GDPD1: variants seen among roughly 807,000 people sequenced by gnomAD.
GDPD1 encodes the protein lysophospholipase D GDPD1.
GDPD1 carries 28 observed loss-of-function variants against 45.1 expected under a neutral mutation model. The observed-to-expected ratio is 0.62, with a 90% CI of 0.46 to 0.85. The LOEUF is 0.85. GDPD1 is among the 40% of genes least tolerant of loss of function. The probability of loss-of-function intolerance (pLI) is 0.00; values close to 1 mark genes in which losing one functional copy is unlikely to be tolerated. For missense variants in GDPD1, 256 were observed against 364.8 expected (o/e 0.70, Z 2.43); for synonymous variants, 139 against 131.4 (o/e 1.06, Z -0.40).
intron 1 of GDPD1, among the ~76,000 whole-genome samples, chr17:59,232,013 G>A (rs1042933699): frequency 3.7e-4 from 57 of 152,228 alleles, no homozygotes; most frequent in Non-Finnish European, 1.5e-4. Context: ...AGATAAATTT[G>A]TGCATGTCTG....
intron 1 of GDPD1, among the ~76,000 whole-genome samples, chr17:59,229,960 G>A (rs751633494): frequency 6.6e-6 from 1 of 152,106 alleles, no homozygotes; most frequent in Non-Finnish European, 1.5e-5. Context: ...TATTTATTGT[G>A]TGTTTTTGTT....
chr17:59,256,246 G>A (rs1466063537), intron 4 of GDPD1, among the ~76,000 whole-genome samples: 1 of 151,964 alleles, frequency 6.6e-6, no homozygotes, highest in African/African-American at 2.4e-5. Flanking sequence ...GGGCCCAGGA[G>A]GCAGAGGTTG....
At chr17:59,248,707 G>T (rs775058256) in intron 3 of GDPD1, 33 bp from the exon 4 acceptor site, 1 of 1,491,080 alleles carries the variant, frequency 6.7e-7, no homozygotes, top group Middle Eastern at 1.8e-4. Context: ...TTTTTTGAGA[G>T]TTAACTTTTT....
intron 4 of GDPD1, among the ~76,000 whole-genome samples, chr17:59,253,516 C>G (rs1228021464): frequency 2.6e-5 from 4 of 152,072 alleles, no homozygotes; most frequent in African/African-American, 9.7e-5. Context: ...ATATTTGTAT[C>G]TTTACATCAC....
At chr17:59,273,397 G>A (rs1015259993) in intron 9 of GDPD1, among the ~76,000 whole-genome samples, 1 of 152,092 alleles carries the variant, frequency 6.6e-6, no homozygotes, top group African/African-American at 2.4e-5. Flanking sequence ...CAAAGTGCTG[G>A]AATTACAGGC....
At position 59,275,378 on chromosome 17, in the gene GDPD1, G is replaced by T. The variant is rs2047473937; in HGVS notation, c.*1605G>T. The T allele has an allele frequency of 1.1e-5, 6 of 536,394 alleles. No homozygotes were observed. In the Admixed American group the frequency reaches 1.9e-4, roughly 17 times the overall value. The allele number at this position is 536,394 out of a possible 1,614,324, so 33.2% of individuals were successfully genotyped here. On this transcript the variant is annotated 3_prime_UTR_variant, in exon 10 of 10. Transcript: ENST00000284116. ...AGATTTCTGAGTTGTTGTTGTTAATGGAACATTCTATTTGAGACCTTTTTC... is the reference window on the plus strand; with the variant it reads ...AGATTTCTGAGTTGTTGTTGTTAATTGAACATTCTATTTGAGACCTTTTTC...
At position 59,228,170 on chromosome 17, in the gene GDPD1, TAAA is replaced by T. The variant is rs36140380; in HGVS notation, c.143-6301_143-6299del. On this transcript the variant is annotated intron_variant, in intron 1 of 9. Transcript: ENST00000284116. ...CTGGGTGACAAAGAAAGACTCCATC[TAAA>T]AAAAAAAAAAAAAAAAAAAATTGAT... Among the ~76,000 whole-genome samples the T allele has an allele frequency of 2.0e-3, 179 of 91,652 alleles. 2 individuals carry two copies. Among genetic ancestry groups the T allele is most frequent in the African/African-American group, 7.4e-3 (168 of 22,792 alleles). 60.1% of individuals were successfully genotyped at this position (91,652 alleles called of 152,430 possible).
chr17:59,267,203 C>A lies in GDPD1; in HGVS notation c.710+29C>A, dbSNP rs563371521. The A allele has an allele frequency of 9.6e-6, 15 of 1,564,892 alleles. No individual in the cohort carries two copies. In the African/African-American group the frequency reaches 1.6e-4, roughly 17 times the overall value. ...AGTGGTTACCCTTTTATTTTAAAAT[C>A]AATTATCAATTACAGAAAGACTAAG... On this transcript the variant is annotated intron_variant, in intron 7 of 9. Coordinates refer to ENST00000284116, the MANE Select transcript of GDPD1 (RefSeq NM_182569.4).
intron 6 of GDPD1, among the ~76,000 whole-genome samples, chr17:59,263,935 A>T (rs1408210014): frequency 6.6e-6 from 1 of 152,086 alleles, no homozygotes; most frequent in Non-Finnish European, 1.5e-5. Flanking sequence ...TTCACACTTA[A>T]CGCAGTGGTT....
At chr17:59,229,119 A>ATTG (rs1453233323) in intron 1 of GDPD1, among the ~76,000 whole-genome samples, 11 of 130,038 alleles carry the variant, frequency 8.5e-5, no homozygotes, top group South Asian at 4.9e-4. Flanking sequence ...TTTTCCTCAA[A>ATTG]TTGTTATTAT....
chr17:59,249,464 C>T (rs941023944), intron 4 of GDPD1, among the ~76,000 whole-genome samples: 11 of 151,910 alleles, frequency 7.2e-5, no homozygotes, highest in Non-Finnish European at 4.4e-5. Flanking sequence ...GGAAAGGACC[C>T]CTTTCAAATC....
chr17:59,248,825 A>T (rs778196866), intron 4 of GDPD1, 40 bp downstream of exon 4: 7 of 1,426,340 alleles, frequency 4.9e-6, no homozygotes, highest in Non-Finnish European at 6.9e-6. Flanking sequence ...TTGTGTTGAG[A>T]AGCATATGTG....
intron 4 of GDPD1, among the ~76,000 whole-genome samples, chr17:59,255,977 G>T (rs985983117): frequency 4.7e-5 from 7 of 147,872 alleles, no homozygotes; most frequent in African/African-American, 1.8e-4. Flanking sequence ...CCATCATCAT[G>T]CTACTGCACT....
intron 6 of GDPD1, among the ~76,000 whole-genome samples, chr17:59,263,426 C>T (rs1365178419): frequency 4.0e-5 from 6 of 151,008 alleles, no homozygotes; most frequent in African/African-American, 1.5e-4. Flanking sequence ...ATTTGTCTTT[C>T]ATATTGCCAA....
At chr17:59,235,634 T>C (rs2047125735) in intron 2 of GDPD1, among the ~76,000 whole-genome samples, 1 of 152,042 alleles carries the variant, frequency 6.6e-6, no homozygotes, top group South Asian at 2.1e-4. Flanking sequence ...CTGGCCAACG[T>C]GGTGAAACCC....
intron 1 of GDPD1, among the ~76,000 whole-genome samples, chr17:59,222,169 A>G (rs2047009887): frequency 6.6e-6 from 1 of 151,910 alleles, no homozygotes; most frequent in Non-Finnish European, 1.5e-5. Flanking sequence ...TCACAGAAGC[A>G]ATTTTCTTTT....
rs149948295 is a variant in GDPD1 at position 59,273,876 on chromosome 17, A to C, written c.*103A>C. ...CATTTCCAGAATGGTAAAAGGTTTAATCAGTTTTTATTACCTCATTTTTAA... is the reference window on the plus strand; with the variant it reads ...CATTTCCAGAATGGTAAAAGGTTTACTCAGTTTTTATTACCTCATTTTTAA... On this transcript the variant is annotated 3_prime_UTR_variant, in exon 10 of 10. Transcript: ENST00000284116. The C allele has an allele frequency of 7.7e-7, 1 of 1,295,584 alleles. No individual in the cohort carries two copies. The highest frequency in any genetic ancestry group is 2.9e-5 in the East Asian group (1 of 34,850). 80.3% of individuals were successfully genotyped at this position (1,295,584 alleles called of 1,614,324 possible). A position where few individuals can be genotyped will look rare whatever the true frequency, so the allele number is the denominator to read the frequency against.
Position 59,275,028 on chromosome 17 carries a change from G to A in GDPD1, c.*1255G>A, listed in dbSNP as rs1187678305. The A allele has an allele frequency of 5.9e-6, 4 of 683,240 alleles. No homozygotes were observed. Among genetic ancestry groups the A allele is most frequent in the Non-Finnish European group, 5.1e-6 (2 of 389,482 alleles). The allele number at this position is 683,240 out of a possible 1,614,324, so 42.3% of individuals were successfully genotyped here. On this transcript the variant is annotated 3_prime_UTR_variant, in exon 10 of 10. Coordinates refer to ENST00000284116, the MANE Select transcript of GDPD1 (RefSeq NM_182569.4). ...AGCTAATTTTTGTATTTTTAGTAGA[G>A]ACAGGGTTTTGCCACGTTGGCCAGA...
intron 2 of GDPD1, among the ~76,000 whole-genome samples, chr17:59,243,513 A>C (rs761305171): frequency 1.5e-5 from 2 of 137,876 alleles, no homozygotes; most frequent in Non-Finnish European, 3.2e-5. Flanking sequence ...CCCCCCAACC[A>C]AAAAAAAAAA....
Sources: gnomAD v4.1 joint callset for allele counts (sites outside exome capture counted in the v4.1 genomes callset) on GRCh38, gnomAD v4.1.1 for gene constraint, MANE v1.5 for transcripts, NCBI Gene and HGNC (gene_info 2026-07-23, HGNC 2026-07-21) for gene names.